TMEM187: variants seen among roughly 807,000 people sequenced by gnomAD.
The protein encoded by TMEM187 is chromosome X open reading frame 12.
TMEM187 carries 14 observed loss-of-function variants against 11.8 expected under a neutral mutation model. That is an observed-to-expected ratio of 1.18 (90% CI 0.78 to 1.85). TMEM187 has a LOEUF of 1.85. Among genes scored for constraint, TMEM187 ranks in the 40% most tolerant of loss-of-function variants. The pLI is 0.00. For synonymous variants in TMEM187, 112 were observed against 118.5 expected, an observed-to-expected ratio of 0.95 and a Z score of 0.36; for missense variants, 227 against 243.9, an observed-to-expected ratio of 0.93 and a Z score of 0.46.
Position 153,978,687 on chromosome X carries a change from G to A in TMEM187, c.-213-3163G>A, listed in dbSNP as rs781884914. On this transcript the variant is annotated intron_variant, in intron 1 of 1. Coordinates refer to ENST00000369982, the MANE Select transcript of TMEM187 (RefSeq NM_003492.3). ...CAACCTCCGCCTCCCGGGCTCAAGC[G>A]ATTCTCCTGCCTCAGCCTCCCGAGT... Among the ~76,000 whole-genome samples the A allele has an allele frequency of 1.9e-3, 203 of 104,293 alleles. 2 individuals are homozygous for A. The highest frequency in any genetic ancestry group is 6.8e-3 in the African/African-American group (193 of 28,302). 90.6% of individuals were successfully genotyped at this position (104,293 alleles called of 115,157 possible). A position where few individuals can be genotyped will look rare whatever the true frequency, so the allele number is the denominator to read the frequency against.
In TMEM187 at chrX:153,982,501, T is replaced by C; in HGVS notation, c.439T>C (p.Cys147Arg). ...WRPWLFLSLE[C>R]VSLASYGLAL... ...GCCCTGGCTGTTCCTCTCTCTTGAG[T>C]GCGTCTCCCTGGCCAGTTATGGCCT... The change falls in exon 2 of 2, where the codon TGC becomes CGC. Residue 147 changes from cysteine (C) to arginine (R), a missense_variant. Cys to Arg is a radical substitution (Grantham distance 180). Coordinates refer to ENST00000369982, the MANE Select transcript of TMEM187 (RefSeq NM_003492.3). 1 of 1,204,583 alleles carries C rather than the reference T, an allele frequency of 8.3e-7. No homozygotes were observed.
chrX:153,976,014 G>A (rs1557121425), intron 1 of TMEM187, among the ~76,000 whole-genome samples: 2 of 110,841 alleles, frequency 1.8e-5, no homozygotes, highest in African/African-American at 6.6e-5. Context: ...ATTACTGTGT[G>A]TGGTGAGAGA....
intron 1 of TMEM187, among the ~76,000 whole-genome samples, chrX:153,973,575 T>TGGAAC (rs1458576604): frequency 9.0e-6 from 1 of 111,556 alleles, no homozygotes; most frequent in East Asian, 2.8e-4. Flanking sequence ...CCCAGGTACT[T>TGGAAC]GGAACGCTGA....
Position 153,982,037 on chromosome X carries a change from G to T in TMEM187, c.-26G>T. 8.2e-7 allele frequency: 1 copy of T among 1,212,173 alleles called. No homozygotes were observed. The highest frequency in any genetic ancestry group is 1.1e-6 in the Non-Finnish European group (1 of 895,612). The stretch of plus-strand genomic sequence containing the variant: ...TGAAGGCTGCTCTCTGAAGCTCCCT[G>T]CCCCAGGTCACGCCGCCGGTTCCAG... On this transcript the variant is annotated 5_prime_UTR_variant, in exon 2 of 2. Coordinates refer to ENST00000369982, the MANE Select transcript of TMEM187 (RefSeq NM_003492.3).
At chrX:153,973,684 AACACACACACACAC>A (rs3055213) in intron 1 of TMEM187, among the ~76,000 whole-genome samples, 6 of 106,147 alleles carry the variant, frequency 5.7e-5, no homozygotes, top group East Asian at 3.0e-4. Flanking sequence ...CTGTCTCAAA[AACACACACACACAC>A]ACACACACAC....
chrX:153,978,569 CTTTTTTTTT>C (rs781940360), intron 1 of TMEM187, among the ~76,000 whole-genome samples: 2 of 38,917 alleles, frequency 5.1e-5, no homozygotes, highest in Non-Finnish European at 8.6e-5. Context: ...CGCCTGGCCA[CTTTTTTTTT>C]TTTTTTTTTT....
chrX:153,977,073 G>A (rs1395967206), intron 1 of TMEM187, among the ~76,000 whole-genome samples: 3 of 111,684 alleles, frequency 2.7e-5, no homozygotes, highest in Non-Finnish European at 3.8e-5. Flanking sequence ...GGAAAGATTC[G>A]GAGGAGTCGG....
intron 1 of TMEM187, among the ~76,000 whole-genome samples, chrX:153,978,021 G>T (rs889103536): frequency 1.8e-5 from 2 of 108,471 alleles, no homozygotes; most frequent in African/African-American, 3.4e-5. Flanking sequence ...TTGAAGACCA[G>T]CCTGACCAAG....
intron 1 of TMEM187, among the ~76,000 whole-genome samples, chrX:153,973,350 C>T (rs1308716617): frequency 8.9e-6 from 1 of 112,452 alleles, no homozygotes; most frequent in African/African-American, 3.2e-5. Context: ...AGAATTCTTG[C>T]CTGTCTGTGC....
intron 1 of TMEM187, among the ~76,000 whole-genome samples, chrX:153,975,309 T>C (rs1003337504): frequency 1.8e-5 from 2 of 111,209 alleles, no homozygotes; most frequent in Admixed American, 1.9e-4. Flanking sequence ...TTTTATTTTA[T>C]TTATTTTATT....
intron 1 of TMEM187, among the ~76,000 whole-genome samples, chrX:153,976,448 T>A (rs2065577949): frequency 8.9e-6 from 1 of 111,924 alleles, no homozygotes; most frequent in Admixed American, 9.5e-5. Context: ...GGAGAATTGC[T>A]TGAACCTGGG....
intron 1 of TMEM187, among the ~76,000 whole-genome samples, chrX:153,979,742 T>C (rs1270679012): frequency 1.0e-5 from 1 of 97,964 alleles, no homozygotes; most frequent in Non-Finnish European, 2.1e-5. Context: ...CAATTTTTTT[T>C]TTTTTTTTTT....
chrX:153,975,510 A>T (rs2065573888), intron 1 of TMEM187, among the ~76,000 whole-genome samples: 1 of 105,855 alleles, frequency 9.4e-6, no homozygotes, highest in African/African-American at 3.5e-5. Context: ...TTATACTTTT[A>T]GTAGAGATGG....
chrX:153,980,573 G>A (rs1434952761), intron 1 of TMEM187: 1 of 111,245 alleles, frequency 9.0e-6, no homozygotes, highest in African/African-American at 3.3e-5. Flanking sequence ...TGGCACAGAT[G>A]GTTTCTAAGA....
At chrX:153,976,520 G>A (rs2065578169) in intron 1 of TMEM187, among the ~76,000 whole-genome samples, 1 of 110,895 alleles carries the variant, frequency 9.0e-6, no homozygotes, top group Non-Finnish European at 1.9e-5. Context: ...GACAGAGCGA[G>A]ACCCTGTCTC....
Position 153,982,751 on chromosome X carries a change from A to G in TMEM187, c.689A>G (p.Lys230Arg), listed in dbSNP as rs782685233. The change falls in exon 2 of 2, where the codon AAG (lysine) becomes AGG (arginine). Residue 230 changes from lysine (K) to arginine (R), a missense_variant. Coordinates refer to ENST00000369982, the MANE Select transcript of TMEM187 (RefSeq NM_003492.3). Reference protein sequence around the residue: ...FQCLTGHFWSKVCDVLQFHFA... With the variant: ...FQCLTGHFWSRVCDVLQFHFA... ...TGCCTCACAGGCCACTTCTGGTCCA[A>G]GGTCTGTGACGTGCTCCAGTTCCAC... 2.5e-6 allele frequency: 3 copies of G among 1,212,149 alleles called. No homozygotes were observed. In the East Asian group the frequency reaches 8.9e-5, roughly 36 times the overall value.
At position 153,982,527 on chromosome X, in the gene TMEM187, C is replaced by T. The variant is rs2065608889; in HGVS notation, c.465C>T (p.Leu155=). The T allele has an allele frequency of 1.7e-6, 2 of 1,206,459 alleles. No individual in the cohort carries two copies. Among genetic ancestry groups the T allele is most frequent in the Admixed American group, 2.2e-5 (1 of 45,946 alleles). ...LECVSLASYG[L]ALLHPQGFEV... The stretch of plus-strand genomic sequence containing the variant: ...GCGTCTCCCTGGCCAGTTATGGCCT[C>T]GCTCTGCTGCATCCCCAGGGCTTCG... Residue 155 remains leucine, a synonymous_variant, in exon 2 of 2, where the codon CTC becomes CTT. Transcript: ENST00000369982.
At chrX:153,977,271 C>G (rs182817599) in intron 1 of TMEM187, among the ~76,000 whole-genome samples, 11 of 112,108 alleles carry the variant, frequency 9.8e-5, no homozygotes, top group Non-Finnish European at 1.7e-4. Context: ...CTTGTTTGAT[C>G]ATTATACATT....
At chrX:153,975,214 G>T (rs1557121264) in intron 1 of TMEM187, among the ~76,000 whole-genome samples, 1 of 112,032 alleles carries the variant, frequency 8.9e-6, no homozygotes, top group African/African-American at 3.2e-5. Context: ...ACTCCCATTT[G>T]TCTGTTTTTG....
Sources: allele counts gnomAD v4.1 joint callset (sites outside exome capture counted in the v4.1 genomes callset), GRCh38; gene constraint gnomAD v4.1.1; transcripts MANE v1.5; gene names NCBI Gene and HGNC (gene_info 2026-07-23, HGNC 2026-07-21).